The following ADAMTS18 variants were observed in gnomAD, a reference collection of about 807,000 sequenced individuals.
The protein encoded by ADAMTS18 is ADAM metallopeptidase with thrombospondin type 1 motif 18, also known as A disintegrin and metalloproteinase with thrombospondin motifs 18.
ADAMTS18 carries 157 observed loss-of-function variants against 165.9 expected under a neutral mutation model. The observed-to-expected ratio is 0.95, with a 90% CI of 0.83 to 1.08. The LOEUF (loss-of-function observed/expected upper bound fraction) is 1.08. ADAMTS18 is among the 50% of genes least tolerant of loss of function. The probability of loss-of-function intolerance (pLI) is 0.00; values close to 1 mark genes in which losing one functional copy is unlikely to be tolerated. For synonymous variants in ADAMTS18, 782 were observed against 578.2 expected, an observed-to-expected ratio of 1.35 and a Z score of -5.06; for missense variants, 2,040 against 1,534.0, an observed-to-expected ratio of 1.33 and a Z score of -5.51.
chr16:77,293,511 T>C (rs1350609065), intron 19 of ADAMTS18, among the ~76,000 whole-genome samples: 1 of 151,858 alleles, frequency 6.6e-6, no homozygotes, highest in Non-Finnish European at 1.5e-5. Context: ...CTCAACACCA[T>C]GTACTATTTA....
intron 16 of ADAMTS18, among the ~76,000 whole-genome samples, chr16:77,304,506 A>G (rs1158392164): frequency 1.3e-5 from 2 of 152,170 alleles, no homozygotes; most frequent in Non-Finnish European, 2.9e-5. Context: ...GAAGATTTCT[A>G]TTCCCCCCTC....
chr16:77,401,165 G>C (rs958146862), intron 3 of ADAMTS18, among the ~76,000 whole-genome samples: 6 of 152,084 alleles, frequency 3.9e-5, no homozygotes, highest in African/African-American at 1.4e-4. Flanking sequence ...TGAGGCAGGA[G>C]AATTGCTTGA....
At chr16:77,367,841 C>T (rs1357830250) in intron 3 of ADAMTS18, 118 bp from the exon 4 acceptor site, 2 of 1,139,220 alleles carry the variant, frequency 1.8e-6, no homozygotes, top group African/African-American at 1.5e-5. Flanking sequence ...CTAAAAGCTT[C>T]ACACATATTG....
At chr16:77,359,286 C>T (rs1199272981) in intron 8 of ADAMTS18, 32 bp downstream of exon 8, 1 of 1,578,486 alleles carries the variant, frequency 6.3e-7, no homozygotes, top group Non-Finnish European at 8.7e-7. Context: ...AACTAGTTTT[C>T]ACATAAAGTA....
chr16:77,303,308 C>T (rs898211702), intron 16 of ADAMTS18, among the ~76,000 whole-genome samples: 23 of 152,184 alleles, frequency 1.5e-4, no homozygotes, highest in African/African-American at 4.8e-4. Flanking sequence ...ACGGATGACA[C>T]CCCGCCTCTG....
intron 10 of ADAMTS18, among the ~76,000 whole-genome samples, chr16:77,344,001 AG>A (rs1220148338): frequency 7.2e-5 from 11 of 151,994 alleles, no homozygotes; most frequent in Admixed American, 7.2e-4. Flanking sequence ...CATTTCATGT[AG>A]ATTTTACAGT....
chr16:77,296,825 TC>T (rs1419216191), intron 18 of ADAMTS18, among the ~76,000 whole-genome samples: 1 of 151,598 alleles, frequency 6.6e-6, no homozygotes, highest in Non-Finnish European at 1.5e-5. Flanking sequence ...TTGTTCCTCC[TC>T]CCCTCCAAAA....
At position 77,293,158 on chromosome 16, in the gene ADAMTS18, C is replaced by G. The variant is rs1285932079; in HGVS notation, c.3107G>C (p.Arg1036Thr). The part of the protein sequence containing the change: ...LPESQCTSLP[R>T]PELQEGCVLG... ...CACACAGCCCTCCTGCAGCTCAGGT[C>G]TGGGGAGACTGGTACACTGGCTCTC... Residue 1036 changes from arginine to threonine, a missense_variant, in exon 20 of 23, where the codon AGA becomes ACA. Arg to Thr is a moderately conservative substitution (Grantham distance 71, BLOSUM62 -1). Coordinates refer to ENST00000282849, the MANE Select transcript of ADAMTS18 (RefSeq NM_199355.4). The G allele has an allele frequency of 6.2e-7, 1 of 1,613,862 alleles. No homozygotes were observed. Among genetic ancestry groups the G allele is most frequent in the Admixed American group, 1.7e-5 (1 of 59,984 alleles).
intron 3 of ADAMTS18, among the ~76,000 whole-genome samples, chr16:77,419,922 C>A (rs1206297830): frequency 6.7e-6 from 1 of 149,028 alleles, no homozygotes; most frequent in East Asian, 2.0e-4. Context: ...TTGCTTGAAC[C>A]CAGGAGGCGG....
intron 10 of ADAMTS18, among the ~76,000 whole-genome samples, chr16:77,345,181 A>G (rs1461282042): frequency 6.6e-6 from 1 of 152,198 alleles, no homozygotes; most frequent in Non-Finnish European, 1.5e-5. Context: ...CCCTTCAAGT[A>G]AAACCTGACA....
At chr16:77,338,282 C>T (rs914282360) in intron 11 of ADAMTS18, among the ~76,000 whole-genome samples, 4 of 152,104 alleles carry the variant, frequency 2.6e-5, no homozygotes, top group African/African-American at 9.7e-5. Context: ...GTCACCCAGG[C>T]TGAAGTGCAG....
chr16:77,349,056 T>C (rs936267963), intron 10 of ADAMTS18, among the ~76,000 whole-genome samples: 1 of 152,182 alleles, frequency 6.6e-6, no homozygotes, highest in Non-Finnish European at 1.5e-5. Context: ...GCAGTAAACT[T>C]GGTATGTTAC....
rs116426075 is a variant in ADAMTS18, at chr16:77,315,478, G to A, written c.2532+4371C>T. Among the ~76,000 whole-genome samples, 1,381 of 152,258 alleles carry A rather than the reference G, an allele frequency of 9.1e-3. 22 individuals carry two copies. The highest frequency in any genetic ancestry group is 0.031 in the African/African-American group (1,302 of 41,552). ...TGCCATCCCTGTTGCCATGAATGAG[G>A]GCATCTCCACTCACGCCTGTGGGTG... On this transcript the variant is annotated intron_variant, in intron 16 of 22. Transcript: ENST00000282849.
chr16:77,407,482 A>C (rs1056120806), intron 3 of ADAMTS18, among the ~76,000 whole-genome samples: 8 of 152,136 alleles, frequency 5.3e-5, no homozygotes, highest in Admixed American at 1.3e-4. Context: ...CAAAGAACAC[A>C]ATATAGTCAC....
intron 3 of ADAMTS18, among the ~76,000 whole-genome samples, chr16:77,421,589 T>C (rs149286070): frequency 1.6e-3 from 243 of 152,366 alleles, no homozygotes; most frequent in African/African-American, 5.3e-3. Flanking sequence ...CCTAGGCTCA[T>C]GGAAAACAAG....
At chr16:77,362,428 G>A (rs376804952) in intron 6 of ADAMTS18, among the ~76,000 whole-genome samples, 164 bp from the exon 7 acceptor site, 5 of 152,312 alleles carry the variant, frequency 3.3e-5, no homozygotes, top group African/African-American at 1.2e-4. Context: ...TTAGGTAAAT[G>A]CTCACAATAT....
At chr16:77,317,831 A>G (rs1263997496) in intron 16 of ADAMTS18, among the ~76,000 whole-genome samples, 1 of 152,194 alleles carries the variant, frequency 6.6e-6, no homozygotes, top group Non-Finnish European at 1.5e-5. Context: ...TCAAAGAATT[A>G]TCCAGGCCCG....
At chr16:77,358,530 C>A (rs1670390986) in intron 8 of ADAMTS18, among the ~76,000 whole-genome samples, 1 of 152,078 alleles carries the variant, frequency 6.6e-6, no homozygotes, top group Admixed American at 6.6e-5. Flanking sequence ...CCACTGCACT[C>A]CAGCCGGGGC....
rs569812592 is a variant in ADAMTS18 at position 77,286,798 on chromosome 16, T to A, written c.3550+2466A>T. ...AGCTTCCAGACACGTAAACACCCAG[T>A]TTCAATGCAGTGTGACACAAGTCTC... is the stretch of plus-strand genomic sequence containing the variant. On this transcript the variant is annotated intron_variant, in intron 22 of 22. Transcript: ENST00000282849. Among the ~76,000 whole-genome samples the A allele has an allele frequency of 2.0e-5, 3 of 152,238 alleles. No individual in the cohort carries two copies. In the South Asian group the frequency reaches 6.2e-4, roughly 32 times the overall value.
Sources: gnomAD v4.1 joint callset for allele counts (sites outside exome capture counted in the v4.1 genomes callset) on GRCh38, gnomAD v4.1.1 for gene constraint, MANE v1.5 for transcripts, NCBI Gene and HGNC (gene_info 2026-07-23, HGNC 2026-07-21) for gene names.